RNF223: variants seen among roughly 807,000 people sequenced by gnomAD.
The protein encoded by RNF223 is ring finger protein 223.
A neutral mutation model predicts 13.9 loss-of-function variants in RNF223; 10 were observed. The observed-to-expected ratio is 0.72, with a 90% CI of 0.44 to 1.22. The LOEUF (loss-of-function observed/expected upper bound fraction) is 1.22. RNF223 is among the 50% of genes most tolerant of loss of function. The pLI is 0.00. For synonymous variants in RNF223, 168 were observed against 173.3 expected, an observed-to-expected ratio of 0.97 and a Z score of 0.24; for missense variants, 379 against 380.0, an observed-to-expected ratio of 1.00 and a Z score of 0.02.
At position 1,071,545 on chromosome 1, in the gene RNF223, C is replaced by T. The variant is rs574631608; in HGVS notation, c.*272G>A. The T allele has an allele frequency of 2.7e-4, 100 of 373,944 alleles. 1 individual carries two copies. Among genetic ancestry groups the T allele is most frequent in the African/African-American group, 1.0e-3 (48 of 46,954 alleles). The allele number at this position is 373,944 out of a possible 1,614,324, so 23.2% of individuals were successfully genotyped here. ...CCCTCCAGAGTGCTGAGATGACAGG[C>T]GTGAGCCACCGCGCCCGGTGAGACT... On this transcript the variant is annotated 3_prime_UTR_variant, in exon 2 of 2. Transcript: ENST00000453464.
chr1:1,072,092 A>G lies in RNF223; in HGVS notation c.475T>C (p.Cys159Arg), dbSNP rs1236394244. 4 of 1,513,828 alleles carry G rather than the reference A, an allele frequency of 2.6e-6. No individual in the cohort carries two copies. The African/African-American group carries it at 4.3e-5, about 16-fold the overall frequency. 93.8% of individuals were successfully genotyped at this position (1,513,828 alleles called of 1,614,324 possible). The change falls in exon 2 of 2, where the codon TGC becomes CGC. Residue 159 changes from cysteine (C) to arginine (R), a missense_variant. Transcript: ENST00000453464. Reference protein sequence around the residue: ...TTPGREPGFVCVDVGLSKPAE... With the variant: ...TTPGREPGFVRVDVGLSKPAE... ...GGCTTGCTCAAACCCACGTCCACGC[A>G]TACGAAACCGGGCTCGCGGCCAGGT...
Position 1,072,481 on chromosome 1 carries a change from C to A in RNF223, c.86G>T (p.Ser29Ile). 3 of 1,530,420 alleles carry A rather than the reference C, an allele frequency of 2.0e-6. No homozygotes were observed. The highest frequency in any genetic ancestry group is 2.6e-6 in the Non-Finnish European group (3 of 1,144,636). The allele number at this position is 1,530,420 out of a possible 1,614,324, so 94.8% of individuals were successfully genotyped here. Residue 29 changes from serine (S) to isoleucine (I), a missense_variant, in exon 2 of 2, where the codon AGC (serine) becomes ATC (isoleucine). Coordinates refer to ENST00000453464, the MANE Select transcript of RNF223 (RefSeq NM_001205252.2). ...SSIASMPRSP[S>I]SAGSPRSPGT... ...AGGGGACCTGGGGCTGCCGGCCGAG[C>A]TGGGGGACCTGGGCATCGAGGCTAT...
chr1:1,072,227 C>CA lies in RNF223; in HGVS notation c.339_340insT (p.Ala114CysfsTer19). 1 of 1,464,636 alleles carries CA rather than the reference C, an allele frequency of 6.8e-7. No homozygotes were observed. The highest frequency in any genetic ancestry group is 9.0e-7 in the Non-Finnish European group (1 of 1,115,664). 90.7% of individuals were successfully genotyped at this position (1,464,636 alleles called of 1,614,324 possible). A position where few individuals can be genotyped will look rare whatever the true frequency, so the allele number is the denominator to read the frequency against. ...TGCAGCTGGCGGCTGGTGCACAGCG[C>CA]GGGGGCTCCGGCGGGCGGCACGGCC... On this transcript the variant is annotated frameshift_variant, in exon 2 of 2. Transcript: ENST00000453464. LOFTEE classifies it high-confidence loss of function.
chr1:1,072,387 G>A lies in RNF223; in HGVS notation c.180C>T (p.Asn60=). The change falls in exon 2 of 2, where the codon AAC becomes AAT. Residue 60 remains asparagine, a synonymous_variant. Transcript: ENST00000453464. Reference sequence around the variant, plus strand: ...AGAGCTCCTTGGGTGTCTTGAAGATGTTGTCATAGCCTGAGAAACAGATGG... The same window carrying A: ...AGAGCTCCTTGGGTGTCTTGAAGATATTGTCATAGCCTGAGAAACAGATGG... The part of the protein sequence containing the change: ...ECSICFSGYD[N]IFKTPKELSC... The A allele has an allele frequency of 6.8e-7, 1 of 1,464,768 alleles. No homozygotes were observed. The highest frequency in any genetic ancestry group is 9.0e-7 in the Non-Finnish European group (1 of 1,115,154). The allele number at this position is 1,464,768 out of a possible 1,614,324, so 90.7% of individuals were successfully genotyped here.
In RNF223 at chr1:1,072,146, T is replaced by C. The variant is rs951559822; in HGVS notation, c.421A>G (p.Lys141Glu). Residue 141 changes from lysine to glutamate, a missense_variant, in exon 2 of 2, where the codon AAG (lysine) becomes GAG (glutamate). Lys to Glu is a moderately conservative substitution (Grantham distance 56). Transcript: ENST00000453464. ...REEPVWLEGT[K>E]LCCQPLPTTP... ...GTGGGCAGTGGCTGGCAGCACAGCT[T>C]GGTGCCCTCCAGCCACACAGGCTCC... 6.6e-7 allele frequency: 1 copy of C among 1,515,458 alleles called. No individual in the cohort carries two copies. Among genetic ancestry groups the C allele is most frequent in the Non-Finnish European group, 8.8e-7 (1 of 1,139,036 alleles). The allele number at this position is 1,515,458 out of a possible 1,614,324, so 93.9% of individuals were successfully genotyped here. A position where few individuals can be genotyped will look rare whatever the true frequency, so the allele number is the denominator to read the frequency against.
rs186756027 is a variant in RNF223 at position 1,071,221 on chromosome 1, G to C, written c.*596C>G. The stretch of plus-strand genomic sequence containing the variant: ...CAGGCAGTTCACAGGGTGTGTGGGT[G>C]GGGGGGATGCTGACCAGCTGCTCTC... On this transcript the variant is annotated 3_prime_UTR_variant, in exon 2 of 2. Transcript: ENST00000453464. The C allele has an allele frequency of 2.6e-5, 4 of 152,364 alleles. No individual in the cohort carries two copies. The highest frequency in any genetic ancestry group is 4.4e-5 in the Non-Finnish European group (3 of 68,110). 9.4% of individuals were successfully genotyped at this position (152,364 alleles called of 1,614,324 possible).
In RNF223 at chr1:1,072,028, C is replaced by CG. The variant is rs746194121; in HGVS notation, c.538dup (p.Arg180ProfsTer69). ...CCAGCAGCGGGCCAGGCGGCCCCGGCGGGGGGCAGGGTCCCGGGCGGGCGC... is the reference window on the plus strand; with the variant it reads ...CCAGCAGCGGGCCAGGCGGCCCCGGCGGGGGGGCAGGGTCCCGGGCGGGCGC... On this transcript the variant is annotated frameshift_variant, in exon 2 of 2. Transcript: ENST00000453464. LOFTEE classifies it high-confidence loss of function. The CG allele has an allele frequency of 1.4e-5, 21 of 1,491,476 alleles. No homozygotes were observed. Among genetic ancestry groups the CG allele is most frequent in the Middle Eastern group, 3.4e-4 (2 of 5,828 alleles). 92.4% of individuals were successfully genotyped at this position (1,491,476 alleles called of 1,614,324 possible).
chr1:1,073,452 A>G (rs931451166), intron 1 of RNF223, among the ~76,000 whole-genome samples: 3 of 152,314 alleles, frequency 2.0e-5, no homozygotes, highest in Admixed American at 2.0e-4. Flanking sequence ...GGTGATGGTC[A>G]GGGCACCCTC....
At chr1:1,073,830 C>T (rs904373329) in intron 1 of RNF223, among the ~76,000 whole-genome samples, 186 bp downstream of exon 1, 30 of 152,280 alleles carry the variant, frequency 2.0e-4, no homozygotes, top group African/African-American at 6.7e-4. Context: ...TCACTGTGAC[C>T]ACCTGAGTCA....
intron 1 of RNF223, 118 bp downstream of exon 1, chr1:1,073,898 C>T (rs1189621255): frequency 6.6e-6 from 1 of 152,262 alleles, no homozygotes; most frequent in African/African-American, 2.4e-5. Flanking sequence ...GGACTGTGCT[C>T]TGCGGCCTGT....
intron 1 of RNF223, 115 bp from the exon 2 acceptor site, chr1:1,072,690 C>T (rs751021585): frequency 1.1e-4 from 94 of 894,760 alleles, no homozygotes; most frequent in Non-Finnish European, 1.3e-4. Context: ...GTTTCCTGCG[C>T]GCCACTCCAG....
chr1:1,073,372 G>A (rs1320700038), intron 1 of RNF223, among the ~76,000 whole-genome samples: 2 of 152,230 alleles, frequency 1.3e-5, no homozygotes, highest in Non-Finnish European at 2.9e-5. Context: ...GGTCTGATGT[G>A]CACAGTGTGG....
rs1645638333 is a variant in RNF223 at position 1,071,493 on chromosome 1, C to T, written c.*324G>A. 4.2e-6 allele frequency: 1 copy of T among 239,620 alleles called. No homozygotes were observed. The highest frequency in any genetic ancestry group is 8.0e-6 in the Non-Finnish European group (1 of 125,352). 14.8% of individuals were successfully genotyped at this position (239,620 alleles called of 1,614,324 possible). ...GTTGGCCAGGCTGGTGTCAAAATCC[C>T]GACCTCAAGTGGTCTTTCTGCCTCA... On this transcript the variant is annotated 3_prime_UTR_variant, in exon 2 of 2. Coordinates refer to ENST00000453464, the MANE Select transcript of RNF223 (RefSeq NM_001205252.2).
At chr1:1,072,705 T>C in intron 1 of RNF223, 130 bp from the exon 2 acceptor site, 8 of 740,474 alleles carry the variant, frequency 1.1e-5, no homozygotes, top group Non-Finnish European at 1.7e-5. Context: ...CTCCAGAAAG[T>C]TCCTCCGGTG....
chr1:1,072,164 C>T lies in RNF223; in HGVS notation c.403G>A (p.Val135Met). The change falls in exon 2 of 2, where the codon GTG becomes ATG. Residue 135 changes from valine to methionine, a missense_variant. Physicochemically the swap from Val to Met is conservative, Grantham distance 21. Coordinates refer to ENST00000453464, the MANE Select transcript of RNF223 (RefSeq NM_001205252.2). ...CACAGCTTGGTGCCCTCCAGCCACA[C>T]AGGCTCCTCACGCCGCAAATGCGCC... is the stretch of plus-strand genomic sequence containing the variant. ...MPAHLRREEPVWLEGTKLCCQ... is the reference protein window; with the variant it reads ...MPAHLRREEPMWLEGTKLCCQ... 1 of 1,512,676 alleles carries T rather than the reference C, an allele frequency of 6.6e-7. No homozygotes were observed. The highest frequency in any genetic ancestry group is 8.8e-7 in the Non-Finnish European group (1 of 1,137,368). The allele number at this position is 1,512,676 out of a possible 1,614,324, so 93.7% of individuals were successfully genotyped here. A position where few individuals can be genotyped will look rare whatever the true frequency, so the allele number is the denominator to read the frequency against.
At position 1,072,189 on chromosome 1, in the gene RNF223, C is replaced by T. The variant is rs1482151171; in HGVS notation, c.378G>A (p.Pro126=). 35 of 1,502,640 alleles carry T rather than the reference C, an allele frequency of 2.3e-5. No homozygotes were observed. The highest frequency in any genetic ancestry group is 5.2e-5 in the East Asian group (2 of 38,310). The allele number at this position is 1,502,640 out of a possible 1,614,324, so 93.1% of individuals were successfully genotyped here. Residue 126 remains proline (P), a synonymous_variant, in exon 2 of 2, where the codon CCG becomes CCA. Transcript: ENST00000453464. ...CAGGCTCCTCACGCCGCAAATGCGC[C>T]GGCATCCGGGCCTGCAGCTGGCGGC... ...CTSRQLQARM[P]AHLRREEPVW... is the part of the protein sequence containing the mutation.
rs946749283 is a variant in RNF223 at position 1,072,240 on chromosome 1, G to A, written c.327C>T (p.Pro109=). ...PFCRQPTAVP[P]AGAPALCTSR... ...TGGTGCACAGCGCGGGGGCTCCGGC[G>A]GGCGGCACGGCCGTGGGCTGCCTGC... Residue 109 remains proline, a synonymous_variant, in exon 2 of 2, where the codon CCC becomes CCT. Coordinates refer to ENST00000453464, the MANE Select transcript of RNF223 (RefSeq NM_001205252.2). The A allele has an allele frequency of 2.4e-5, 35 of 1,449,224 alleles. No individual in the cohort carries two copies. Among genetic ancestry groups the A allele is most frequent in the African/African-American group, 1.9e-4 (13 of 67,774 alleles). The allele number at this position is 1,449,224 out of a possible 1,614,324, so 89.8% of individuals were successfully genotyped here.
At position 1,072,298 on chromosome 1, in the gene RNF223, C is replaced by T. The variant is rs1395123044; in HGVS notation, c.269G>A (p.Arg90His). The T allele has an allele frequency of 4.8e-6, 7 of 1,444,072 alleles. No individual in the cohort carries two copies. Among genetic ancestry groups the T allele is most frequent in the African/African-American group, 1.5e-5 (1 of 68,896 alleles). 89.5% of individuals were successfully genotyped at this position (1,444,072 alleles called of 1,614,324 possible). ...ARLAAAQPVG[R>H]PGGEAVPCPF... The stretch of plus-strand genomic sequence containing the variant: ...GCAAGGTACAGCCTCACCACCGGGG[C>T]GGCCCACAGGCTGAGCAGCCGCCAG... Residue 90 changes from arginine (R) to histidine (H), a missense_variant, in exon 2 of 2, where the codon CGC becomes CAC. Arg to His is a conservative substitution (Grantham distance 29). Transcript: ENST00000453464.
Position 1,072,302 on chromosome 1 carries a change from C to T in RNF223, c.265G>A (p.Gly89Ser). ...GGTACAGCCTCACCACCGGGGCGGC[C>T]CACAGGCTGAGCAGCCGCCAGCCGG... is the stretch of plus-strand genomic sequence containing the variant. ...LARLAAAQPV[G>S]RPGGEAVPCP... The change falls in exon 2 of 2, where the codon GGC becomes AGC. Residue 89 changes from glycine to serine, a missense_variant. Physicochemically the swap from Gly to Ser is moderately conservative, Grantham distance 56. Transcript: ENST00000453464. 6.9e-7 allele frequency: 1 copy of T among 1,445,810 alleles called. No homozygotes were observed. Among genetic ancestry groups the T allele is most frequent in the Non-Finnish European group, 9.0e-7 (1 of 1,106,312 alleles). The allele number at this position is 1,445,810 out of a possible 1,614,324, so 89.6% of individuals were successfully genotyped here. A position where few individuals can be genotyped will look rare whatever the true frequency, so the allele number is the denominator to read the frequency against.
Sources: allele counts gnomAD v4.1 joint callset (sites outside exome capture counted in the v4.1 genomes callset), GRCh38; gene constraint gnomAD v4.1.1; transcripts MANE v1.5; gene names NCBI Gene and HGNC (gene_info 2026-07-23, HGNC 2026-07-21).